Variants in NBAS observed in about 807,000 individuals in gnomAD.
NBAS encodes the protein NBAS subunit of NRZ tethering complex, also known as NAG/BC035112 fusion.
A neutral mutation model predicts 302.5 loss-of-function variants in NBAS; 219 were observed. The observed-to-expected ratio is 0.72, with a 90% CI of 0.65 to 0.81. The LOEUF (loss-of-function observed/expected upper bound fraction) is 0.81. Ranked by LOEUF, NBAS falls within the 30% of genes least tolerant of loss-of-function variation. The probability of loss-of-function intolerance (pLI) is 0.00; values close to 1 mark genes in which losing one functional copy is unlikely to be tolerated. For synonymous variants in NBAS, 1,118 were observed against 1,021.6 expected (o/e 1.09, Z -1.80); for missense variants, 2,932 against 2,841.6 (o/e 1.03, Z -0.72).
At chr2:15,203,886 GTGCT>G (rs1280454017) in intron 48 of NBAS, among the ~76,000 whole-genome samples, 6 of 114,062 alleles carry the variant, frequency 5.3e-5, no homozygotes, top group Admixed American at 2.2e-4. Flanking sequence ...GTGTGTGTGT[GTGCT>G]TGTGTGTGTG....
At chr2:15,308,173 C>T (rs1349334677) in intron 40 of NBAS, 43 bp downstream of exon 40, 2 of 1,613,340 alleles carry the variant, frequency 1.2e-6, no homozygotes, top group Non-Finnish European at 1.7e-6. Context: ...TTAGAAAAGG[C>T]TTAACTCTGC....
the NBAS span, among the ~76,000 whole-genome samples, chr2:14,793,150 G>T: frequency 6.6e-6 from 1 of 151,798 alleles, no homozygotes; most frequent in Non-Finnish European, 1.5e-5. Flanking sequence ...CAGGAAGAAA[G>T]GATTCACCAG....
At chr2:15,262,440 C>T (rs1318188686) in intron 44 of NBAS, among the ~76,000 whole-genome samples, 1 of 152,156 alleles carries the variant, frequency 6.6e-6, no homozygotes, top group Non-Finnish European at 1.5e-5. Flanking sequence ...TCTAAAAACA[C>T]TCTAAAACTA....
Position 15,473,146 on chromosome 2 carries a change from C to A in NBAS, c.1725+76G>T, listed in dbSNP as rs990001217. ...AGAAAAGTCAGCAATGTAAAGTACT[C>A]TAAAATGAAGCCCTATAAACAAAAG... is the stretch of plus-strand genomic sequence containing the variant. On this transcript the variant is annotated intron_variant, in intron 16 of 51. Coordinates refer to ENST00000281513, the MANE Select transcript of NBAS (RefSeq NM_015909.4). 5 of 1,522,280 alleles carry A rather than the reference C, an allele frequency of 3.3e-6. No individual in the cohort carries two copies. In the African/African-American group the frequency reaches 6.9e-5, roughly 21 times the overall value. 94.3% of individuals were successfully genotyped at this position (1,522,280 alleles called of 1,614,324 possible).
the NBAS span, among the ~76,000 whole-genome samples, chr2:15,004,758 C>A: frequency 2.6e-4 from 39 of 151,660 alleles, no homozygotes; most frequent in East Asian, 1.9e-3. Context: ...ATCCACCCCC[C>A]CTTGGCTTCC....
intron 16 of NBAS, among the ~76,000 whole-genome samples, chr2:15,471,856 C>G (rs911485130): frequency 6.6e-6 from 1 of 152,112 alleles, no homozygotes; most frequent in African/African-American, 2.4e-5. Context: ...AGTGCCCTCA[C>G]CAGGAACGAA....
chr2:15,551,634 T>C, intron 5 of NBAS, 98 bp from the exon 6 acceptor site: 4 of 784,486 alleles, frequency 5.1e-6, no homozygotes, highest in Non-Finnish European at 8.5e-6. Flanking sequence ...CTATATACAA[T>C]GCTCAATCAT....
At chr2:15,414,318 A>G (rs1464585364) in intron 25 of NBAS, among the ~76,000 whole-genome samples, 4 of 152,214 alleles carry the variant, frequency 2.6e-5, no homozygotes, top group African/African-American at 9.6e-5. Flanking sequence ...GTGCAATGAA[A>G]TAGTCCCAGC....
chr2:14,980,835 T>C, the NBAS span, among the ~76,000 whole-genome samples: 4 of 152,294 alleles, frequency 2.6e-5, no homozygotes, highest in African/African-American at 9.6e-5. Flanking sequence ...ATGTGTACTA[T>C]GAACAAGAAC....
At chr2:15,029,725 C>T in the NBAS span, among the ~76,000 whole-genome samples, 3 of 152,270 alleles carry the variant, frequency 2.0e-5, no homozygotes, top group Non-Finnish European at 2.9e-5. Context: ...GGGCAAATGA[C>T]CCCATCAAAG....
chr2:15,259,630 C>A (rs992174789), intron 44 of NBAS, among the ~76,000 whole-genome samples: 2 of 152,182 alleles, frequency 1.3e-5, no homozygotes, highest in Non-Finnish European at 2.9e-5. Context: ...ACTCAAGGAG[C>A]CAACTCTCTG....
At chr2:15,402,939 A>AT (rs1430344015) in intron 25 of NBAS, among the ~76,000 whole-genome samples, 63 of 152,260 alleles carry the variant, frequency 4.1e-4, no homozygotes, top group Non-Finnish European at 4.6e-4. Flanking sequence ...TAACCAATTG[A>AT]TTTTTTTCTC....
At chr2:15,161,573 G>T in the NBAS span, among the ~76,000 whole-genome samples, 1 of 152,310 alleles carries the variant, frequency 6.6e-6, no homozygotes, top group South Asian at 2.1e-4. Context: ...TTCTAAGGGA[G>T]AAGCAGGCCA....
chr2:14,833,306 G>T, the NBAS span, among the ~76,000 whole-genome samples: 9 of 151,996 alleles, frequency 5.9e-5, no homozygotes, highest in African/African-American at 2.2e-4. Context: ...CACTTGCCAG[G>T]GCAGGGTTGG....
chr2:15,287,847 AT>A (rs1670121185), intron 41 of NBAS, among the ~76,000 whole-genome samples: 1 of 151,156 alleles, frequency 6.6e-6, no homozygotes, highest in Non-Finnish European at 1.5e-5. Context: ...CCGTGTAGGC[AT>A]CCCCGCATAA....
In NBAS at chr2:15,312,063, C is replaced by T. The variant is rs542486190; in HGVS notation, c.4583-2816G>A. On this transcript the variant is annotated intron_variant, in intron 38 of 51. Transcript: ENST00000281513. Reference sequence around the variant, plus strand: ...TCTCTCTTCTTTTTCTCTTAAATCTCACTGTAGCACTAGGCACTGCCAGAT... The same window carrying T: ...TCTCTCTTCTTTTTCTCTTAAATCTTACTGTAGCACTAGGCACTGCCAGAT... 1.4e-3 allele frequency among the ~76,000 whole-genome samples: 217 copies of T among 152,312 alleles called. 1 individual carries two copies. The highest frequency in any genetic ancestry group is 6.8e-3 in the Middle Eastern group (2 of 294).
At chr2:15,209,722 T>A (rs1666319091) in intron 48 of NBAS, among the ~76,000 whole-genome samples, 1 of 152,138 alleles carries the variant, frequency 6.6e-6, no homozygotes, top group Non-Finnish European at 1.5e-5. Context: ...GACTTCATAT[T>A]ATACTATGGA....
At chr2:15,300,558 C>A (rs889971933) in intron 40 of NBAS, among the ~76,000 whole-genome samples, 1 of 152,194 alleles carries the variant, frequency 6.6e-6, no homozygotes, top group Non-Finnish European at 1.5e-5. Context: ...GAACTCACAA[C>A]TGCAAACCTG....
intron 12 of NBAS, among the ~76,000 whole-genome samples, chr2:15,483,635 A>G (rs1185285042): frequency 6.6e-6 from 1 of 152,250 alleles, no homozygotes; most frequent in Non-Finnish European, 1.5e-5. Context: ...AATGAAAGCC[A>G]AAGTATTTAA....
Sources: allele counts gnomAD v4.1 joint callset (sites outside exome capture counted in the v4.1 genomes callset), GRCh38; gene constraint gnomAD v4.1.1; transcripts MANE v1.5; gene names NCBI Gene and HGNC (gene_info 2026-07-23, HGNC 2026-07-21).